APBB1IP: variants seen among roughly 807,000 people sequenced by gnomAD.
APBB1IP encodes the protein amyloid beta A4 precursor protein-binding family B member 1-interacting protein.
APBB1IP carries 27 observed loss-of-function variants against 64.9 expected under a neutral mutation model. The ratio of observed to expected loss-of-function variants is 0.42; its 90% CI spans 0.31 to 0.57. APBB1IP has a LOEUF of 0.57. Ranked by LOEUF, APBB1IP falls within the 20% of genes least tolerant of loss-of-function variation. The pLI is 0.20. For missense variants in APBB1IP, 812 were observed against 845.5 expected, an observed-to-expected ratio of 0.96 and a Z score of 0.49; for synonymous variants, 392 against 331.0, an observed-to-expected ratio of 1.18 and a Z score of -2.00.
At chr10:26,496,746 A>G (rs1588587006) in intron 4 of APBB1IP, among the ~76,000 whole-genome samples, 1 of 151,764 alleles carries the variant, frequency 6.6e-6, no homozygotes. Flanking sequence ...GAAATCAACT[A>G]TTTCATAATG....
rs1385133277 is a variant in APBB1IP, at chr10:26,565,418, G to T, written c.1474-1543G>T. On this transcript the variant is annotated intron_variant, in intron 14 of 14. Transcript: ENST00000376236. Reference sequence around the variant, plus strand: ...TGGCTTCCATTTTGAAGGAATGAATGAGCTGAGGGTGGTTTATAGACTGAG... The same window carrying T: ...TGGCTTCCATTTTGAAGGAATGAATTAGCTGAGGGTGGTTTATAGACTGAG... 2.0e-5 allele frequency among the ~76,000 whole-genome samples: 3 copies of T among 152,220 alleles called. No individual in the cohort carries two copies. The East Asian group carries it at 5.8e-4, about 29-fold the overall frequency.
intron 10 of APBB1IP, among the ~76,000 whole-genome samples, chr10:26,538,793 T>A (rs1054187720): frequency 6.6e-6 from 1 of 152,152 alleles, no homozygotes; most frequent in African/African-American, 2.4e-5. Flanking sequence ...ACAGACTGAT[T>A]TCATGGAAAA....
intron 9 of APBB1IP, among the ~76,000 whole-genome samples, chr10:26,533,739 A>C (rs1032069229): frequency 1.3e-5 from 2 of 152,160 alleles, no homozygotes; most frequent in Non-Finnish European, 2.9e-5. Flanking sequence ...CTTTAGATAA[A>C]TGAAGCTGGA....
intron 11 of APBB1IP, among the ~76,000 whole-genome samples, chr10:26,547,608 A>AT (rs937586970): frequency 2.0e-5 from 3 of 151,880 alleles, no homozygotes; most frequent in East Asian, 1.9e-4. Context: ...CTCCCAGCTA[A>AT]TTTTTTTGTA....
intron 8 of APBB1IP, among the ~76,000 whole-genome samples, chr10:26,514,510 A>G (rs1037365213): frequency 6.6e-6 from 1 of 152,178 alleles, no homozygotes; most frequent in African/African-American, 2.4e-5. Flanking sequence ...ATGTTTGGAA[A>G]TGCTTCCTTC....
intron 2 of APBB1IP, among the ~76,000 whole-genome samples, chr10:26,486,515 G>A (rs1835893697): frequency 6.6e-6 from 1 of 152,192 alleles, no homozygotes; most frequent in Middle Eastern, 3.2e-3. Flanking sequence ...ATGAAGGGGA[G>A]TAGTGAGTCG....
chr10:26,547,736 C>T (rs1236816041), intron 11 of APBB1IP, among the ~76,000 whole-genome samples: 10 of 152,262 alleles, frequency 6.6e-5, no homozygotes, highest in South Asian at 2.1e-4. Flanking sequence ...TGAGCCACTG[C>T]GCCCGGCCAG....
At chr10:26,527,052 A>G (rs11015152) in intron 8 of APBB1IP, among the ~76,000 whole-genome samples, 28,224 of 152,162 alleles carry the variant, frequency 0.19, 2,983 homozygotes, top group East Asian at 0.32. Flanking sequence ...ATTCCCTTCC[A>G]GCCTCCCTCA....
chr10:26,567,551 AG>A lies in APBB1IP; in HGVS notation c.*64del, dbSNP rs1564381668. The A allele has an allele frequency of 1.3e-6, 2 of 1,501,814 alleles. No homozygotes were observed. Among genetic ancestry groups the A allele is most frequent in the Non-Finnish European group, 1.8e-6 (2 of 1,108,328 alleles). The allele number at this position is 1,501,814 out of a possible 1,614,324, so 93.0% of individuals were successfully genotyped here. ...GCTGACCCCGAGCGCAGGTTTTGCT[AG>A]CAGATTGCCCTGACATCTTGTTCAT... On this transcript the variant is annotated 3_prime_UTR_variant, in exon 15 of 15. Coordinates refer to ENST00000376236, the MANE Select transcript of APBB1IP (RefSeq NM_019043.4).
At chr10:26,501,249 C>A (rs1836096157) in intron 5 of APBB1IP, 138 bp downstream of exon 5, 1 of 1,293,410 alleles carries the variant, frequency 7.7e-7, no homozygotes, top group Non-Finnish European at 1.1e-6. Flanking sequence ...ACAGAGCACG[C>A]TCATTGCAAA....
In APBB1IP at chr10:26,567,553, C is replaced by A. The variant is rs1203922829; in HGVS notation, c.*65C>A. The A allele has an allele frequency of 1.3e-6, 2 of 1,498,486 alleles. No individual in the cohort carries two copies. Among genetic ancestry groups the A allele is most frequent in the Non-Finnish European group, 1.8e-6 (2 of 1,106,386 alleles). The allele number at this position is 1,498,486 out of a possible 1,614,324, so 92.8% of individuals were successfully genotyped here. The stretch of plus-strand genomic sequence containing the variant: ...TGACCCCGAGCGCAGGTTTTGCTAG[C>A]AGATTGCCCTGACATCTTGTTCATT... On this transcript the variant is annotated 3_prime_UTR_variant, in exon 15 of 15. Coordinates refer to ENST00000376236, the MANE Select transcript of APBB1IP (RefSeq NM_019043.4).
chr10:26,515,391 C>T (rs530366066), intron 8 of APBB1IP, among the ~76,000 whole-genome samples: 99 of 152,304 alleles, frequency 6.5e-4, no homozygotes, highest in African/African-American at 2.3e-3. Context: ...TCCGCCTCAC[C>T]ATTTTCCAGT....
chr10:26,499,719 C>T (rs761973631), intron 4 of APBB1IP, among the ~76,000 whole-genome samples: 1 of 152,186 alleles, frequency 6.6e-6, no homozygotes, highest in Non-Finnish European at 1.5e-5. Flanking sequence ...CACACATCTG[C>T]TCTACCATAG....
chr10:26,472,491 G>C (rs1835730353), intron 2 of APBB1IP, among the ~76,000 whole-genome samples: 5 of 152,160 alleles, frequency 3.3e-5, no homozygotes, highest in Admixed American at 2.6e-4. Context: ...GATAACCAGG[G>C]AGGTATCTGT....
chr10:26,560,662 A>G (rs1234934519), intron 12 of APBB1IP, 68 bp from the exon 13 acceptor site: 12 of 1,078,042 alleles, frequency 1.1e-5, no homozygotes, highest in Non-Finnish European at 1.6e-5. Context: ...GTATATGTAT[A>G]TTGCAATTGA....
In APBB1IP at chr10:26,567,426, G is replaced by A. The variant is rs1837070446; in HGVS notation, c.1939G>A (p.Glu647Lys). ...PGHPGGAGGG[E>K]QDFMSDLMKA... ...GCACCCCGGCGGAGCAGGAGGCGGG[G>A]AGCAAGATTTCATGTCAGACCTCAT... The change falls in exon 15 of 15, where the codon GAG becomes AAG. Residue 647 changes from glutamate to lysine, a missense_variant. Physicochemically the swap from Glu to Lys is moderately conservative, Grantham distance 56. Around this residue, in one of 3 missense-constraint regions of APBB1IP, gnomAD observed 381 missense variants for 352.1 expected, o/e 1.08. Coordinates refer to ENST00000376236, the MANE Select transcript of APBB1IP (RefSeq NM_019043.4). The A allele has an allele frequency of 6.2e-7, 1 of 1,607,896 alleles. No homozygotes were observed. The highest frequency in any genetic ancestry group is 1.3e-5 in the African/African-American group (1 of 74,704).
chr10:26,472,116 CAG>C (rs1183086452), intron 2 of APBB1IP, among the ~76,000 whole-genome samples: 1 of 152,094 alleles, frequency 6.6e-6, no homozygotes, highest in Non-Finnish European at 1.5e-5. Context: ...GGAAGAAAAA[CAG>C]AAAATCCCTC....
chr10:26,455,452 C>A (rs190045034), intron 2 of APBB1IP, among the ~76,000 whole-genome samples: 1 of 151,424 alleles, frequency 6.6e-6, no homozygotes, highest in Non-Finnish European at 1.5e-5. Flanking sequence ...TGCTTGAACC[C>A]AGGAGGCAGA....
At chr10:26,472,117 A>G (rs916105229) in intron 2 of APBB1IP, among the ~76,000 whole-genome samples, 1 of 152,306 alleles carries the variant, frequency 6.6e-6, no homozygotes, top group Admixed American at 6.5e-5. Flanking sequence ...GAAGAAAAAC[A>G]GAAAATCCCT....
Sources: gnomAD v4.1 joint callset for allele counts (sites outside exome capture counted in the v4.1 genomes callset) on GRCh38, gnomAD v4.1.1 for gene constraint, gnomAD v4.1.1 regional missense constraint, MANE v1.5 for transcripts, NCBI Gene and HGNC (gene_info 2026-07-23, HGNC 2026-07-21) for gene names.